The following CFAP263 variants were observed in gnomAD, a reference collection of about 807,000 sequenced individuals.
CFAP263 encodes the protein cilia- and flagella-associated protein 263.
the CFAP263 span, among the ~76,000 whole-genome samples, chr16:58,271,759 CA>C: frequency 6.6e-6 from 1 of 152,170 alleles, no homozygotes; most frequent in African/African-American, 2.4e-5. Context: ...AGTCTACTGT[CA>C]ACATGACTCA....
At chr16:58,276,031 G>A in the CFAP263 span, among the ~76,000 whole-genome samples, 7 of 152,056 alleles carry the variant, frequency 4.6e-5, no homozygotes, top group East Asian at 1.3e-3. Flanking sequence ...AAGTCAAAAG[G>A]TAAATAACTG....
the CFAP263 span, among the ~76,000 whole-genome samples, chr16:58,271,679 TG>T: frequency 6.6e-6 from 1 of 152,188 alleles, no homozygotes; most frequent in African/African-American, 2.4e-5. Context: ...ATAATTATAT[TG>T]GGGTTTATGT....
chr16:58,274,091 T>C, the CFAP263 span, among the ~76,000 whole-genome samples: 1 of 152,242 alleles, frequency 6.6e-6, no homozygotes, highest in Non-Finnish European at 1.5e-5. Context: ...ATTGCTCTAT[T>C]GCTTTCAACA....
the CFAP263 span, chr16:58,258,338 GTTC>G: frequency 1.1e-5 from 18 of 1,606,778 alleles, no homozygotes; most frequent in African/African-American, 1.6e-4. Context: ...TGCTGGAAAC[GTTC>G]TTCTCTCTTT....
the CFAP263 span, among the ~76,000 whole-genome samples, chr16:58,258,054 G>A: frequency 6.6e-6 from 1 of 150,822 alleles, no homozygotes; most frequent in African/African-American, 2.4e-5. Flanking sequence ...GTTGCAATGA[G>A]GTGAGATTGT....
the CFAP263 span, among the ~76,000 whole-genome samples, chr16:58,271,393 G>A: frequency 6.6e-6 from 1 of 152,242 alleles, no homozygotes; most frequent in South Asian, 2.1e-4. Context: ...AGTACAATGT[G>A]TTTATTACTA....
the CFAP263 span, chr16:58,278,587 G>C: frequency 1.7e-5 from 27 of 1,614,106 alleles, no homozygotes; most frequent in South Asian, 2.9e-4. Flanking sequence ...CTTAAATGCG[G>C]ACCTGGAGAA....
chr16:58,259,509 T>C, the CFAP263 span, among the ~76,000 whole-genome samples: 1 of 152,206 alleles, frequency 6.6e-6, no homozygotes, highest in Admixed American at 6.5e-5. Flanking sequence ...CTAATCCTAA[T>C]ATGTTAACAG....
chr16:58,258,509 A>G, the CFAP263 span: 2 of 1,613,984 alleles, frequency 1.2e-6, no homozygotes, highest in Non-Finnish European at 1.7e-6. Context: ...CATTGAGGAC[A>G]TGAACCGCCG....
At chr16:58,269,995 T>C in the CFAP263 span, among the ~76,000 whole-genome samples, 2 of 152,218 alleles carry the variant, frequency 1.3e-5, no homozygotes, top group African/African-American at 4.8e-5. Context: ...TGTACATCTT[T>C]GTTATTCTCA....
the CFAP263 span, chr16:58,280,761 T>C: frequency 6.3e-7 from 1 of 1,596,098 alleles, no homozygotes; most frequent in African/African-American, 1.3e-5. Flanking sequence ...GGTCCCCCTG[T>C]GATAAAAGAC....
the CFAP263 span, chr16:58,259,974 AG>A: frequency 6.5e-3 from 9,080 of 1,393,734 alleles, 42 homozygotes; most frequent in Non-Finnish European, 7.0e-3. Context: ...TTTCTTTTTA[AG>A]GTTACTGTGG....
chr16:58,252,949 A>T, the CFAP263 span: 1 of 1,236,740 alleles, frequency 8.1e-7, no homozygotes, highest in Non-Finnish European at 1.2e-6. Flanking sequence ...TCTGTGGCCA[A>T]TTGACCATGG....
At chr16:58,268,701 C>T in the CFAP263 span, among the ~76,000 whole-genome samples, 5 of 152,116 alleles carry the variant, frequency 3.3e-5, no homozygotes, top group African/African-American at 7.2e-5. Flanking sequence ...TACAGAGTGG[C>T]AAGTAGCAAA....
chr16:58,279,710 G>GT, the CFAP263 span: 13 of 1,607,258 alleles, frequency 8.1e-6, no homozygotes, highest in Admixed American at 1.7e-5. Context: ...AAAGGCCATC[G>GT]TAAGGCTTGG....
chr16:58,271,617 T>C, the CFAP263 span, among the ~76,000 whole-genome samples: 3 of 152,350 alleles, frequency 2.0e-5, no homozygotes, highest in African/African-American at 7.2e-5. Context: ...GAGGAGTACC[T>C]GTCAGGTTTT....
At chr16:58,283,223 T>C in the CFAP263 span, 9 of 152,248 alleles carry the variant, frequency 5.9e-5, no homozygotes, top group Admixed American at 5.2e-4. Context: ...TGGTTGATTC[T>C]ACATGTGGGA....
chr16:58,267,590 G>A, the CFAP263 span: 3 of 1,564,680 alleles, frequency 1.9e-6, no homozygotes, highest in South Asian at 1.1e-5. Context: ...AGAGGAGGTA[G>A]GAGAGAGCAA....
chr16:58,264,971 T>G, the CFAP263 span, among the ~76,000 whole-genome samples: 3 of 152,224 alleles, frequency 2.0e-5, no homozygotes, highest in Non-Finnish European at 4.4e-5. Flanking sequence ...TCTTCTCTTC[T>G]GTGAGTTTCA....
Sources: gnomAD v4.1 joint callset for allele counts (sites outside exome capture counted in the v4.1 genomes callset) on GRCh38, gnomAD v4.1.1 for gene constraint, MANE v1.5 for transcripts, NCBI Gene and HGNC (gene_info 2026-07-23, HGNC 2026-07-21) for gene names.